INTS9: variants seen among roughly 807,000 people sequenced by gnomAD.
INTS9 encodes integrator complex subunit 9.
Under a neutral mutation model 79.7 loss-of-function variants are expected in INTS9, and 55 were observed. The observed-to-expected ratio is 0.69, with a 90% CI of 0.56 to 0.86. INTS9 has a LOEUF of 0.86. Among genes scored for constraint, INTS9 ranks in the 40% least tolerant of loss-of-function variants. The pLI, the probability that INTS9 is intolerant of heterozygous loss-of-function variation, is 0.00. For synonymous variants in INTS9, 319 were observed against 325.2 expected (o/e 0.98, Z 0.20); for missense variants, 721 against 831.5 (o/e 0.87, Z 1.64).
chr8:28,820,053 C>G (rs1027198232), intron 6 of INTS9, among the ~76,000 whole-genome samples: 1 of 152,098 alleles, frequency 6.6e-6, no homozygotes, highest in Admixed American at 6.6e-5. Flanking sequence ...TGTCTCTGCA[C>G]GTAAGATGGG....
intron 12 of INTS9, among the ~76,000 whole-genome samples, chr8:28,778,847 G>A (rs1803065960): frequency 6.6e-6 from 1 of 152,150 alleles, no homozygotes; most frequent in African/African-American, 2.4e-5. Flanking sequence ...GTACATAAAT[G>A]CCCATTCCAG....
chr8:28,784,651 A>G (rs183814077), intron 11 of INTS9, among the ~76,000 whole-genome samples: 1 of 152,360 alleles, frequency 6.6e-6, no homozygotes, highest in African/African-American at 2.4e-5. Context: ...AAACATATCT[A>G]TCTGCACTGA....
chr8:28,785,962 A>G (rs1803562877), intron 11 of INTS9, among the ~76,000 whole-genome samples: 1 of 152,232 alleles, frequency 6.6e-6, no homozygotes, highest in Admixed American at 6.5e-5. Flanking sequence ...ATAAAGCATT[A>G]CTAGCTCCTC....
intron 6 of INTS9, among the ~76,000 whole-genome samples, chr8:28,833,779 T>C (rs1172643220): frequency 6.6e-6 from 1 of 152,104 alleles, no homozygotes; most frequent in Admixed American, 6.6e-5. Flanking sequence ...GCAGAATTGC[T>C]AAGGTTAGAG....
intron 4 of INTS9, among the ~76,000 whole-genome samples, chr8:28,839,685 T>TG (rs1807044258): frequency 6.6e-6 from 1 of 152,106 alleles, no homozygotes; most frequent in South Asian, 2.1e-4. Context: ...AAATAAGCAA[T>TG]GGGGAAGGGA....
chr8:28,868,319 C>T (rs1262398529), intron 1 of INTS9, among the ~76,000 whole-genome samples: 1 of 152,172 alleles, frequency 6.6e-6, no homozygotes, highest in Non-Finnish European at 1.5e-5. Context: ...AGAAGATTCT[C>T]TTACTGTAAA....
intron 10 of INTS9, among the ~76,000 whole-genome samples, chr8:28,792,154 G>A (rs1803952392): frequency 6.6e-6 from 1 of 152,148 alleles, no homozygotes; most frequent in East Asian, 1.9e-4. Flanking sequence ...AAAACCTGGT[G>A]CATATGAAAG....
In INTS9 at chr8:28,843,503, T is replaced by A. The variant is rs538354909; in HGVS notation, c.261+3244A>T. 1.1e-4 allele frequency among the ~76,000 whole-genome samples: 16 copies of A among 152,366 alleles called. No homozygotes were observed. The East Asian group carries it at 3.1e-3, about 29-fold the overall frequency. On this transcript the variant is annotated intron_variant, in intron 4 of 16. Transcript: ENST00000521022. ...TGCTTTTCCTGTTATCTTGACATTT[T>A]TTTAAGCTTTCCTTTTGCTTTGTCA...
chr8:28,784,425 T>C (rs1012860658), intron 11 of INTS9, among the ~76,000 whole-genome samples: 2 of 152,264 alleles, frequency 1.3e-5, no homozygotes, highest in Non-Finnish European at 2.9e-5. Context: ...TGTTTCACTA[T>C]GGCATTGACA....
chr8:28,808,262 C>G (rs1198634813), intron 8 of INTS9, among the ~76,000 whole-genome samples: 1 of 150,340 alleles, frequency 6.7e-6, no homozygotes, highest in East Asian at 2.0e-4. Context: ...AGTGCGATCT[C>G]GGCTCACTGC....
intron 15 of INTS9, 51 bp from the exon 16 acceptor site, chr8:28,770,077 G>A: frequency 1.3e-6 from 2 of 1,586,750 alleles, no homozygotes; most frequent in Admixed American, 1.7e-5. Flanking sequence ...GAGCAGCAGG[G>A]GCCACCGCAG....
intron 2 of INTS9, among the ~76,000 whole-genome samples, chr8:28,853,307 A>G (rs913712338): frequency 6.6e-6 from 1 of 151,770 alleles, no homozygotes; most frequent in African/African-American, 2.4e-5. Flanking sequence ...CAGCTACTTG[A>G]GAGGCCGAGG....
rs1563313220 is a variant in INTS9 at position 28,874,287 on chromosome 8, CTG to C, written c.10-14726_10-14725del. Among the ~76,000 whole-genome samples the C allele has an allele frequency of 2.0e-5, 3 of 150,886 alleles. No individual in the cohort carries two copies. The East Asian group carries it at 5.8e-4, about 29-fold the overall frequency. ...ACATGTTTAAAAATTCATATTTAAA[CTG>C]TTTTTTTTTTTTTGTTTTGAGACAG... On this transcript the variant is annotated intron_variant, in intron 1 of 16. Transcript: ENST00000521022.
chr8:28,837,860 C>A, intron 4 of INTS9, 84 bp from the exon 5 acceptor site: 1 of 1,345,946 alleles, frequency 7.4e-7, no homozygotes, highest in Non-Finnish European at 1.0e-6. Context: ...TGTCAGAATG[C>A]AGAGAAGTAG....
rs1343064368 is a variant in INTS9, at chr8:28,881,175, G to A, written c.9+8699C>T. Among the ~76,000 whole-genome samples, 4 of 146,938 alleles carry A rather than the reference G, an allele frequency of 2.7e-5. No homozygotes were observed. In the East Asian group the frequency reaches 8.5e-4, roughly 31 times the overall value. Reference sequence around the variant, plus strand: ...GGCCGCCCCGTCCGGGAGGTGAGGGGCGCCTCTGCCCGGCCGCCCCTACTG... The same window carrying A: ...GGCCGCCCCGTCCGGGAGGTGAGGGACGCCTCTGCCCGGCCGCCCCTACTG... On this transcript the variant is annotated intron_variant, in intron 1 of 16. Coordinates refer to ENST00000521022, the MANE Select transcript of INTS9 (RefSeq NM_018250.4).
At chr8:28,826,828 CT>C (rs1227101591) in intron 6 of INTS9, among the ~76,000 whole-genome samples, 3 of 152,158 alleles carry the variant, frequency 2.0e-5, no homozygotes, top group Non-Finnish European at 4.4e-5. Context: ...AAATCTTAAA[CT>C]TTTTTGGGCA....
chr8:28,807,533 T>A (rs1476556853), intron 8 of INTS9, among the ~76,000 whole-genome samples: 1 of 152,198 alleles, frequency 6.6e-6, no homozygotes, highest in Non-Finnish European at 1.5e-5. Context: ...GAATAGATTG[T>A]AATCAAGCAA....
intron 6 of INTS9, among the ~76,000 whole-genome samples, chr8:28,819,352 G>A (rs1196620464): frequency 6.6e-6 from 1 of 152,134 alleles, no homozygotes; most frequent in African/African-American, 2.4e-5. Context: ...GGTATGTTGT[G>A]TCTTTGTTCT....
Position 28,846,790 on chromosome 8 carries a change from C to T in INTS9, c.218G>A (p.Gly73Asp), listed in dbSNP as rs138784858. Residue 73 changes from glycine to aspartate, a missense_variant, in exon 4 of 17, where the codon GGT (glycine) becomes GAT (aspartate). Physicochemically the swap from Gly to Asp is moderately conservative, Grantham distance 94. Coordinates refer to ENST00000521022, the MANE Select transcript of INTS9 (RefSeq NM_018250.4). Reference sequence around the variant, plus strand: ...CGGCACAGAATCCACAAATACATGACCCGAGCACTCCTTTAGCTCCTAAAA... The same window carrying T: ...CGGCACAGAATCCACAAATACATGATCCGAGCACTCCTTTAGCTCCTAAAA... ...FLDKELKECS[G>D]HVFVDSVPEF... is the part of the protein sequence containing the mutation. The T allele has an allele frequency of 1.2e-6, 2 of 1,613,492 alleles. No individual in the cohort carries two copies. The highest frequency in any genetic ancestry group is 2.2e-5 in the East Asian group (1 of 44,874).
Sources: allele counts gnomAD v4.1 joint callset (sites outside exome capture counted in the v4.1 genomes callset), GRCh38; gene constraint gnomAD v4.1.1; transcripts MANE v1.5; gene names NCBI Gene and HGNC (gene_info 2026-07-23, HGNC 2026-07-21).